The following LONRF1 variants were observed in gnomAD, a reference collection of about 807,000 sequenced individuals.
LONRF1 encodes LON peptidase N-terminal domain and RING finger protein 1.
LONRF1 carries 37 observed loss-of-function variants against 85.8 expected under a neutral mutation model. That is an observed-to-expected ratio of 0.43 (90% CI 0.33 to 0.57). The LOEUF (loss-of-function observed/expected upper bound fraction) is 0.57. LONRF1 is among the 20% of genes least tolerant of loss of function. LONRF1 has a pLI of 0.04. For synonymous variants in LONRF1, 517 were observed against 390.1 expected, an observed-to-expected ratio of 1.33 and a Z score of -3.83; for missense variants, 1,036 against 978.0, an observed-to-expected ratio of 1.06 and a Z score of -0.79.
At chr8:12,750,151 A>T (rs1345031475) in intron 1 of LONRF1, among the ~76,000 whole-genome samples, 1 of 152,226 alleles carries the variant, frequency 6.6e-6, no homozygotes, top group Non-Finnish European at 1.5e-5. Flanking sequence ...TACATCTGTG[A>T]ATTAGGGATA....
intron 2 of LONRF1, among the ~76,000 whole-genome samples, chr8:12,742,821 G>A (rs181985246): frequency 6.6e-6 from 1 of 152,034 alleles, no homozygotes; most frequent in African/African-American, 2.4e-5. Flanking sequence ...AATCTCCAGG[G>A]CTCCAGTGAC....
In LONRF1 at chr8:12,722,996, A is replaced by G. The variant is rs746883489; in HGVS notation, c.*100T>C. 2,187 of 1,169,842 alleles carry G rather than the reference A, an allele frequency of 1.9e-3. 9 individuals are homozygous for G. The highest frequency in any genetic ancestry group is 2.3e-3 in the Non-Finnish European group (1,979 of 843,600). 72.5% of individuals were successfully genotyped at this position (1,169,842 alleles called of 1,614,324 possible). On this transcript the variant is annotated 3_prime_UTR_variant, in exon 12 of 12. Coordinates refer to ENST00000398246, the MANE Select transcript of LONRF1 (RefSeq NM_152271.5). ...TCGAAGGAAAAAGAAAAGTTTCATT[A>G]AATTTCTGAAACCAGCACTAGATGT...
At chr8:12,737,299 G>A (rs557069281) in intron 4 of LONRF1, 159 bp from the exon 5 acceptor site, 2 of 943,648 alleles carry the variant, frequency 2.1e-6, no homozygotes, top group East Asian at 5.2e-5. Context: ...ACAAGTAAAT[G>A]ATTTTTGCCA....
At chr8:12,724,640 T>G (rs1163677685) in intron 11 of LONRF1, among the ~76,000 whole-genome samples, 3 of 152,190 alleles carry the variant, frequency 2.0e-5, no homozygotes, top group African/African-American at 7.2e-5. Context: ...GACAGGATAA[T>G]AAAAGGCAAG....
In LONRF1 at chr8:12,737,022, ACT is replaced by A. The variant is rs772994416; in HGVS notation, c.1230_1231del (p.Arg410SerfsTer31). The stretch of plus-strand genomic sequence containing the variant: ...AACTGACAGAACAGGTTCTGAGGAC[ACT>A]CTTTTTAAACAGTCCTCTCTGGCAG... On this transcript the variant is annotated frameshift_variant, in exon 5 of 12. Transcript: ENST00000398246. LOFTEE classifies it high-confidence loss of function. The A allele has an allele frequency of 1.9e-6, 3 of 1,613,494 alleles. No individual in the cohort carries two copies. The highest frequency in any genetic ancestry group is 1.3e-5 in the African/African-American group (1 of 74,936).
At position 12,723,042 on chromosome 8, in the gene LONRF1, G is replaced by A. The variant is rs2117207227; in HGVS notation, c.*54C>T. The A allele has an allele frequency of 6.8e-7, 1 of 1,465,568 alleles. No individual in the cohort carries two copies. Among genetic ancestry groups the A allele is most frequent in the African/African-American group, 1.4e-5 (1 of 70,910 alleles). 90.8% of individuals were successfully genotyped at this position (1,465,568 alleles called of 1,614,324 possible). A position where few individuals can be genotyped will look rare whatever the true frequency, so the allele number is the denominator to read the frequency against. On this transcript the variant is annotated 3_prime_UTR_variant, in exon 12 of 12. Coordinates refer to ENST00000398246, the MANE Select transcript of LONRF1 (RefSeq NM_152271.5). ...GATGTGCAAAGGCAGCAGACAATCT[G>A]GCCATCAATGCAGCCAGATTAGGGT...
At chr8:12,754,474 C>T (rs1799547315) in intron 1 of LONRF1, 2 of 419,662 alleles carry the variant, frequency 4.8e-6, no homozygotes, top group Non-Finnish European at 7.7e-6. Flanking sequence ...CCCCTCCCCG[C>T]GCCGCGTCAC....
chr8:12,755,255 C>T lies in LONRF1; in HGVS notation c.166G>A (p.Glu56Lys). 1.6e-6 allele frequency: 2 copies of T among 1,234,728 alleles called. No individual in the cohort carries two copies. The highest frequency in any genetic ancestry group is 6.8e-5 in the East Asian group (2 of 29,516). The allele number at this position is 1,234,728 out of a possible 1,614,324, so 76.5% of individuals were successfully genotyped here. Residue 56 changes from glutamate to lysine, a missense_variant, in exon 1 of 12, where the codon GAG (glutamate) becomes AAG (lysine). Around this residue, in one of 3 missense-constraint regions of LONRF1, gnomAD observed 742 missense variants for 614.4 expected, o/e 1.21. Coordinates refer to ENST00000398246, the MANE Select transcript of LONRF1 (RefSeq NM_152271.5). ...AGGTGGCCGCCCAGCGCCAGCAGCT[C>T]CCCGCGGCGGAGCAGCAGCTCCCAG... The part of the protein sequence containing the change: ...ERWELLLRRG[E>K]LLALGGHLKG...
In LONRF1 at chr8:12,731,737, G is replaced by T. The variant is rs1198510985; in HGVS notation, c.1687C>A (p.His563Asn). 6.2e-7 allele frequency: 1 copy of T among 1,609,846 alleles called. No homozygotes were observed. Residue 563 changes from histidine to asparagine, a missense_variant and splice_region_variant, in exon 8 of 12, where the codon CAC becomes AAC. Physicochemically the swap from His to Asn is moderately conservative, Grantham distance 68 (BLOSUM62 1). Around this residue, in one of 3 missense-constraint regions of LONRF1, gnomAD observed 265 missense variants for 301.5 expected, o/e 0.88. Coordinates refer to ENST00000398246, the MANE Select transcript of LONRF1 (RefSeq NM_152271.5). ...TTTTTTTTATGAGAAGAAACTTACTGTGAGAGTTCAGCAGTTTCTTCATCA... is the reference window on the plus strand; with the variant it reads ...TTTTTTTTATGAGAAGAAACTTACTTTGAGAGTTCAGCAGTTTCTTCATCA... ...IYDEETAELS[H>N]LTKNVPIFVC...
chr8:12,735,463 A>G (rs1798682379), intron 6 of LONRF1, 63 bp from the exon 7 acceptor site: 2 of 1,036,526 alleles, frequency 1.9e-6, no homozygotes, highest in South Asian at 1.4e-5. Flanking sequence ...AGCTTGTACT[A>G]CTTTAGAACC....
intron 11 of LONRF1, 47 bp from the exon 12 acceptor site, chr8:12,723,301 G>T: frequency 2.0e-6 from 3 of 1,535,018 alleles, no homozygotes; most frequent in Non-Finnish European, 2.6e-6. Context: ...AAGGATTTAT[G>T]TAACAACAGT....
intron 1 of LONRF1, among the ~76,000 whole-genome samples, chr8:12,751,017 T>C (rs1243699970): frequency 6.6e-6 from 1 of 152,172 alleles, no homozygotes; most frequent in Non-Finnish European, 1.5e-5. Flanking sequence ...ACTATTCTCA[T>C]TTTTCAGATA....
chr8:12,748,130 G>A (rs567527988), intron 1 of LONRF1, among the ~76,000 whole-genome samples: 9 of 152,044 alleles, frequency 5.9e-5, no homozygotes, highest in East Asian at 3.9e-4. Context: ...TATAACAAAC[G>A]TCTATCTTTA....
rs749250438 is a variant in LONRF1 at position 12,735,361 on chromosome 8, C to T, written c.1491G>A (p.Ser497=). The change falls in exon 7 of 12, where the codon TCG becomes TCA. Residue 497 remains serine (S), a synonymous_variant. Transcript: ENST00000398246. ...FEPVTTPCGH[S]FCKNCLERCL... Reference sequence around the variant, plus strand: ...AACGCTCAAGACAATTCTTACAGAACGAATGTCCGCAAGGGGTTGTTACTG... The same window carrying T: ...AACGCTCAAGACAATTCTTACAGAATGAATGTCCGCAAGGGGTTGTTACTG... The T allele has an allele frequency of 1.9e-5, 31 of 1,607,226 alleles. No individual in the cohort carries two copies. Among genetic ancestry groups the T allele is most frequent in the Admixed American group, 1.2e-4 (7 of 59,402 alleles).
At position 12,755,453 on chromosome 8, in the gene LONRF1, C is replaced by T; in HGVS notation, c.-33G>A. The T allele has an allele frequency of 1.8e-6, 2 of 1,095,748 alleles. No individual in the cohort carries two copies. The highest frequency in any genetic ancestry group is 1.7e-5 in the African/African-American group (1 of 59,710). 67.9% of individuals were successfully genotyped at this position (1,095,748 alleles called of 1,614,324 possible). A position where few individuals can be genotyped will look rare whatever the true frequency, so the allele number is the denominator to read the frequency against. On this transcript the variant is annotated 5_prime_UTR_variant, in exon 1 of 12. Coordinates refer to ENST00000398246, the MANE Select transcript of LONRF1 (RefSeq NM_152271.5). ...GGAGGGCTGCGCCGCCGCCGCCCGC[C>T]GCCACGGTCCCGGAGCCTCCCGGGC...
Position 12,754,810 on chromosome 8 carries a change from C to A in LONRF1, c.611G>T (p.Trp204Leu). The change falls in exon 1 of 12, where the codon TGG becomes TTG. Residue 204 changes from tryptophan to leucine, a missense_variant. Coordinates refer to ENST00000398246, the MANE Select transcript of LONRF1 (RefSeq NM_152271.5). The part of the protein sequence containing the change: ...SVVLNHLAEK[W>L]FPGQRERARA... Reference sequence around the variant, plus strand: ...GGCCCGCTCGCGCTGGCCCGGAAACCACTTCTCGGCCAGGTGGTTGAGGAC... The same window carrying A: ...GGCCCGCTCGCGCTGGCCCGGAAACAACTTCTCGGCCAGGTGGTTGAGGAC... 6.7e-7 allele frequency: 1 copy of A among 1,491,514 alleles called. No homozygotes were observed. Among genetic ancestry groups the A allele is most frequent in the South Asian group, 1.3e-5 (1 of 79,694 alleles). The allele number at this position is 1,491,514 out of a possible 1,614,324, so 92.4% of individuals were successfully genotyped here.
intron 2 of LONRF1, 26 bp from the exon 3 acceptor site, chr8:12,741,022 C>G (rs201952000): frequency 1.8e-4 from 285 of 1,607,198 alleles, no homozygotes; most frequent in Non-Finnish European, 2.2e-4. Flanking sequence ...ATATATAAAA[C>G]CTTTGTGTTA....
Position 12,743,248 on chromosome 8 carries a change from C to G in LONRF1, c.756G>C (p.Ala252=), listed in dbSNP as rs191371768. 1 of 1,611,362 alleles carries G rather than the reference C, an allele frequency of 6.2e-7. No individual in the cohort carries two copies. The highest frequency in any genetic ancestry group is 2.2e-5 in the East Asian group (1 of 44,732). Reference sequence around the variant, plus strand: ...ACTCTTGGAGACCAGCATATGATTCCGCTCTGTAAATTTTTACAATCAAGT... The same window carrying G: ...ACTCTTGGAGACCAGCATATGATTCGGCTCTGTAAATTTTTACAATCAAGT... The part of the protein sequence containing the change: ...PSDLIVKIYR[A]ESYAGLQEFK... The change falls in exon 2 of 12, where the codon GCG becomes GCC. Residue 252 remains alanine, a synonymous_variant. Coordinates refer to ENST00000398246, the MANE Select transcript of LONRF1 (RefSeq NM_152271.5).
At chr8:12,734,393 A>T (rs1798641275) in intron 7 of LONRF1, among the ~76,000 whole-genome samples, 2 of 152,162 alleles carry the variant, frequency 1.3e-5, no homozygotes, top group African/African-American at 4.8e-5. Context: ...TGAATTTTTC[A>T]ATTCATATTT....
Sources: allele counts gnomAD v4.1 joint callset (sites outside exome capture counted in the v4.1 genomes callset), GRCh38; gene constraint gnomAD v4.1.1; regional missense constraint gnomAD v4.1.1; transcripts MANE v1.5; gene names NCBI Gene and HGNC (gene_info 2026-07-23, HGNC 2026-07-21).